GRM1: variants seen among roughly 807,000 people sequenced by gnomAD.
GRM1 encodes the protein metabotropic glutamate receptor 1.
GRM1 carries 33 observed loss-of-function variants against 90.9 expected under a neutral mutation model. That is an observed-to-expected ratio of 0.36 (90% confidence interval 0.28 to 0.49). GRM1 has a LOEUF of 0.49. Ranked by LOEUF, GRM1 falls within the 20% of genes least tolerant of loss-of-function variation. GRM1 has a pLI of 0.99. For synonymous variants in GRM1, 700 were observed against 613.2 expected (o/e 1.14, Z -2.09); for missense variants, 1,190 against 1,534.3 (o/e 0.78, Z 3.75).
rs1264520947 is a variant in GRM1 at position 146,029,807 on chromosome 6, C to T, written c.290C>T (p.Pro97Leu). The T allele has an allele frequency of 6.2e-7, 1 of 1,614,104 alleles. No homozygotes were observed. Among genetic ancestry groups the T allele is most frequent in the Admixed American group, 1.7e-5 (1 of 60,018 alleles). Residue 97 changes from proline (P) to leucine (L), a missense_variant, in exon 1 of 8, where the codon CCC becomes CTC. Pro to Leu is a moderately conservative substitution (Grantham distance 98). Transcript: ENST00000282753. The stretch of plus-strand genomic sequence containing the variant: ...ATCAACGCGGACCCGGTCCTCCTGC[C>T]CAACATCACCCTGGGCAGTGAGATC... Reference protein sequence around the residue: ...DKINADPVLLPNITLGSEIRD... With the variant: ...DKINADPVLLLNITLGSEIRD...
chr6:146,184,793 C>A (rs1013929282), intron 2 of GRM1, among the ~76,000 whole-genome samples: 1 of 152,084 alleles, frequency 6.6e-6, no homozygotes, highest in Non-Finnish European at 1.5e-5. Context: ...CCTGATGAAG[C>A]CTTCATGATC....
intron 1 of GRM1, among the ~76,000 whole-genome samples, chr6:146,061,705 CAT>C (rs59725991): frequency 0.021 from 3,261 of 152,004 alleles, 108 homozygotes; most frequent in African/African-American, 0.074. Context: ...AGCCAACAAA[CAT>C]GTGAAAAAAA....
chr6:146,204,218 A>G (rs1445928748), intron 2 of GRM1, among the ~76,000 whole-genome samples: 6 of 152,182 alleles, frequency 3.9e-5, no homozygotes, highest in African/African-American at 1.4e-4. Context: ...GAGCGATGAA[A>G]GAAAAAAATG....
chr6:146,313,223 C>T lies in GRM1; in HGVS notation c.1186+8377C>T, dbSNP rs567128422. On this transcript the variant is annotated intron_variant, in intron 3 of 7. Transcript: ENST00000282753. The stretch of plus-strand genomic sequence containing the variant: ...TTTACTATGCCTGCAAACCAGTTAC[C>T]TAGAGATTGACCTAAGTTTCATATA... 6.6e-5 allele frequency among the ~76,000 whole-genome samples: 10 copies of T among 152,200 alleles called. No homozygotes were observed. The East Asian group carries it at 1.9e-3, about 29-fold the overall frequency.
At chr6:146,046,256 A>G (rs1399513964) in intron 1 of GRM1, among the ~76,000 whole-genome samples, 1 of 152,024 alleles carries the variant, frequency 6.6e-6, no homozygotes, top group Non-Finnish European at 1.5e-5. Context: ...TATTATTAAT[A>G]ATTCCTCCTA....
intron 3 of GRM1, among the ~76,000 whole-genome samples, chr6:146,313,291 CT>C (rs1366593394): frequency 6.6e-6 from 1 of 152,098 alleles, no homozygotes; most frequent in Non-Finnish European, 1.5e-5. Context: ...TTAATAAGTT[CT>C]TTAATTAGAT....
At chr6:146,303,270 G>C (rs1396426861) in intron 2 of GRM1, among the ~76,000 whole-genome samples, 1 of 152,104 alleles carries the variant, frequency 6.6e-6, no homozygotes, top group Non-Finnish European at 1.5e-5. Context: ...TTCTTTGGCA[G>C]AGACTGCATC....
chr6:146,157,623 G>A (rs949640718), intron 1 of GRM1, among the ~76,000 whole-genome samples: 1 of 152,036 alleles, frequency 6.6e-6, no homozygotes, highest in African/African-American at 2.4e-5. Flanking sequence ...TTTTCTTTTT[G>A]ATTGACACTG....
intron 1 of GRM1, among the ~76,000 whole-genome samples, chr6:146,090,773 G>A (rs1776690377): frequency 1.3e-5 from 2 of 152,030 alleles, no homozygotes; most frequent in South Asian, 2.1e-4. Flanking sequence ...TAAGGTTACC[G>A]AGGCATTGAG....
At chr6:146,163,458 A>G (rs1777806747) in intron 2 of GRM1, among the ~76,000 whole-genome samples, 1 of 152,214 alleles carries the variant, frequency 6.6e-6, no homozygotes, top group South Asian at 2.1e-4. Flanking sequence ...AATTGTCACA[A>G]CAATGTGATA....
At chr6:146,171,410 G>A (rs1778120266) in intron 2 of GRM1, 1 of 160,588 alleles carries the variant, frequency 6.2e-6, no homozygotes. Context: ...GTCCAGTCAA[G>A]GACACTTTGA....
intron 7 of GRM1, among the ~76,000 whole-genome samples, chr6:146,420,894 T>G (rs1283811371): frequency 1.3e-5 from 2 of 152,158 alleles, no homozygotes; most frequent in Non-Finnish European, 2.9e-5. Context: ...TGTAGTCTCA[T>G]AATAAAATAA....
In GRM1 at chr6:146,213,479, T is replaced by C. The variant is rs1011344770; in HGVS notation, c.950+53882T>C. On this transcript the variant is annotated intron_variant, in intron 2 of 7. Transcript: ENST00000282753. ...TGACAGATTGAAGAAAGGGATCCTG[T>C]AAATCAGAAGGTAATGGATGTTTCA... Among the ~76,000 whole-genome samples the C allele has an allele frequency of 8.5e-5, 13 of 152,192 alleles. 1 individual carries two copies. The highest frequency in any genetic ancestry group is 1.3e-4 in the Non-Finnish European group (9 of 68,036).
intron 2 of GRM1, among the ~76,000 whole-genome samples, chr6:146,296,417 G>A (rs1358347893): frequency 6.6e-6 from 1 of 152,114 alleles, no homozygotes; most frequent in East Asian, 1.9e-4. Flanking sequence ...TCACTACTTG[G>A]TGGTGAGAAC....
At chr6:146,424,572 TATGAATTTCAAGAGG>T (rs2114669772) in intron 7 of GRM1, among the ~76,000 whole-genome samples, 1 of 152,352 alleles carries the variant, frequency 6.6e-6, no homozygotes, top group Non-Finnish European at 1.5e-5. Context: ...ATAACATTTT[TATGAATTTCAAGAGG>T]ATGATTACAG....
At chr6:146,169,182 T>C (rs1778013724) in intron 2 of GRM1, among the ~76,000 whole-genome samples, 1 of 152,162 alleles carries the variant, frequency 6.6e-6, no homozygotes. Flanking sequence ...ACACTGATCT[T>C]TTGTTTTGCA....
chr6:146,283,896 A>T (rs543188533), intron 2 of GRM1, among the ~76,000 whole-genome samples: 2 of 152,346 alleles, frequency 1.3e-5, no homozygotes, highest in Admixed American at 1.3e-4. Flanking sequence ...CACGTATGAT[A>T]GATAATACAG....
intron 7 of GRM1, among the ~76,000 whole-genome samples, chr6:146,428,453 T>C (rs1289560999): frequency 3.3e-5 from 5 of 152,302 alleles, no homozygotes; most frequent in Middle Eastern, 3.4e-3. Context: ...AATATGGCAG[T>C]TGCATTTCTT....
chr6:146,213,431 A>C lies in GRM1; in HGVS notation c.950+53834A>C, dbSNP rs192378654. Among the ~76,000 whole-genome samples the C allele has an allele frequency of 5.7e-4, 87 of 152,250 alleles. 1 individual carries two copies. Among genetic ancestry groups the C allele is most frequent in the East Asian group, 4.6e-3 (24 of 5,166 alleles). ...AGGGGGCAGATTTGCATTTTAGAAA[A>C]ATCTCTCTGCTTGTAGTATAGATGA... On this transcript the variant is annotated intron_variant, in intron 2 of 7. Transcript: ENST00000282753.
Sources: gnomAD v4.1 joint callset for allele counts (sites outside exome capture counted in the v4.1 genomes callset) on GRCh38, gnomAD v4.1.1 for gene constraint, MANE v1.5 for transcripts, NCBI Gene and HGNC (gene_info 2026-07-23, HGNC 2026-07-21) for gene names.